RRM1: variants seen among roughly 807,000 people sequenced by gnomAD.
The protein encoded by RRM1 is ribonucleotide reductase catalytic subunit M1.
A neutral mutation model predicts 101.5 loss-of-function variants in RRM1; 19 were observed. The observed-to-expected ratio is 0.19, with a 90% CI of 0.13 to 0.27. RRM1 has a LOEUF of 0.27. Among genes scored for constraint, RRM1 ranks in the 10% least tolerant of loss-of-function variants. The pLI is 1.00. For missense variants in RRM1, 500 were observed against 962.9 expected (o/e 0.52, Z 6.36); for synonymous variants, 298 against 323.4 (o/e 0.92, Z 0.84).
At chr11:4,136,937 C>G (rs2133328025) in intron 18 of RRM1, among the ~76,000 whole-genome samples, 2 of 151,474 alleles carry the variant, frequency 1.3e-5, no homozygotes, top group South Asian at 4.2e-4. Flanking sequence ...TGTTTGTGTC[C>G]CTGGGTACTT....
At chr11:4,124,203 A>G (rs1013557573) in intron 12 of RRM1, among the ~76,000 whole-genome samples, 1 of 152,310 alleles carries the variant, frequency 6.6e-6, no homozygotes, top group South Asian at 2.1e-4. Context: ...AATAGCATCA[A>G]AATGTTAAGA....
Position 4,119,936 on chromosome 11 carries a change from C to A in RRM1, c.876+8C>A. 2.6e-6 allele frequency: 4 copies of A among 1,519,922 alleles called. No individual in the cohort carries two copies. Among genetic ancestry groups the A allele is most frequent in the Non-Finnish European group, 3.7e-6 (4 of 1,095,774 alleles). 94.2% of individuals were successfully genotyped at this position (1,519,922 alleles called of 1,614,324 possible). A position where few individuals can be genotyped will look rare whatever the true frequency, so the allele number is the denominator to read the frequency against. On this transcript the variant is annotated splice_region_variant and intron_variant, in intron 9 of 18. Transcript: ENST00000300738. ...GATCAAGGTGGGAACAAGGTATGCT[C>A]CATGAATTGAAAGTACTGGAAATCA...
intron 1 of RRM1, 175 bp from the exon 2 acceptor site, chr11:4,101,818 G>A (rs1357184318): frequency 6.9e-6 from 4 of 579,702 alleles, no homozygotes; most frequent in African/African-American, 1.9e-5. Context: ...CTTTGAAGGT[G>A]ACATCAGAGA....
chr11:4,107,470 C>T lies in RRM1; in HGVS notation c.322C>T (p.His108Tyr), dbSNP rs1277238548. ...MEDLYNYINP[H>Y]NGKHSPMVAK... ...AGACCTCTATAACTACATAAATCCA[C>T]ATAATGGCAAACACTCTCCCATGGT... Residue 108 changes from histidine to tyrosine, a missense_variant, in exon 4 of 19, where the codon CAT becomes TAT. This residue lies in a region of RRM1 where 41 missense variants were observed against 40.7 expected (regional missense o/e 1.01). Coordinates refer to ENST00000300738, the MANE Select transcript of RRM1 (RefSeq NM_001033.5). 5.0e-6 allele frequency: 8 copies of T among 1,613,296 alleles called. No individual in the cohort carries two copies. The highest frequency in any genetic ancestry group is 1.7e-4 in the Middle Eastern group (1 of 6,058).
chr11:4,097,732 C>CA (rs1404234876), intron 1 of RRM1, among the ~76,000 whole-genome samples: 2 of 152,150 alleles, frequency 1.3e-5, no homozygotes, highest in African/African-American at 4.8e-5. Flanking sequence ...GCTGGGACTA[C>CA]AGATGTGTGC....
intron 4 of RRM1, 80 bp downstream of exon 4, chr11:4,107,615 G>A (rs725518): frequency 0.54 from 441,418 of 818,640 alleles, 121,619 homozygotes; most frequent in Non-Finnish European, 0.58. Context: ...TTTAAACACT[G>A]CAAAAGATAC....
In RRM1 at chr11:4,119,740, T is replaced by C. The variant is rs72555779; in HGVS notation, c.793-105T>C. 2,335 of 734,654 alleles carry C rather than the reference T, an allele frequency of 3.2e-3. 36 individuals are homozygous for C. The African/African-American group carries it at 0.035, about 11-fold the overall frequency. The allele number at this position is 734,654 out of a possible 1,614,324, so 45.5% of individuals were successfully genotyped here. A position where few individuals can be genotyped will look rare whatever the true frequency, so the allele number is the denominator to read the frequency against. ...TGGAGAGCAGGTAAAACTTCATAGA[T>C]TGCTACCTAGAAATTAGGCATCTTT... is the stretch of plus-strand genomic sequence containing the variant. On this transcript the variant is annotated intron_variant, in intron 8 of 18. Transcript: ENST00000300738.
rs912141742 is a variant in RRM1 at position 4,102,045 on chromosome 11, G to A, written c.72G>A (p.Lys24=). The A allele has an allele frequency of 6.2e-6, 10 of 1,600,894 alleles. No homozygotes were observed. In the African/African-American group the frequency reaches 1.1e-4, roughly 17 times the overall value. ...MFDKITSRIQ[K]LCYGLNMDFV... ...ACAAAATTACATCTCGAATCCAGAA[G>A]CTTTGTTATGGACTCAATATGGATT... The change falls in exon 2 of 19, where the codon AAG becomes AAA. Residue 24 remains lysine, a synonymous_variant. Coordinates refer to ENST00000300738, the MANE Select transcript of RRM1 (RefSeq NM_001033.5).
intron 1 of RRM1, among the ~76,000 whole-genome samples, chr11:4,096,678 A>AT (rs1393379496): frequency 3.3e-5 from 5 of 151,746 alleles, no homozygotes; most frequent in Admixed American, 6.6e-5. Flanking sequence ...ATTTATTTGT[A>AT]TTTTTTTAGA....
chr11:4,134,164 G>A (rs181325538), intron 17 of RRM1, among the ~76,000 whole-genome samples: 57 of 151,956 alleles, frequency 3.8e-4, no homozygotes, highest in African/African-American at 1.3e-3. Context: ...TGTATTTTTA[G>A]TAGAGACAGG....
chr11:4,125,478 A>G (rs2094588103), intron 12 of RRM1, among the ~76,000 whole-genome samples: 2 of 152,156 alleles, frequency 1.3e-5, no homozygotes, highest in African/African-American at 4.8e-5. Flanking sequence ...ACAGTGCCCT[A>G]CAAGGTCCTA....
At chr11:4,112,144 C>T in intron 7 of RRM1, 82 bp downstream of exon 7, 7 of 1,035,822 alleles carry the variant, frequency 6.8e-6, no homozygotes, top group Non-Finnish European at 1.0e-5. Flanking sequence ...AATTTAATGA[C>T]CTTTTAGTAG....
intron 11 of RRM1, among the ~76,000 whole-genome samples, chr11:4,122,774 G>A (rs867778004): frequency 1.1e-4 from 17 of 152,046 alleles, no homozygotes; most frequent in South Asian, 2.1e-4. Context: ...TTGGGAGGCT[G>A]AGGTAGGAGA....
chr11:4,124,962 T>C (rs1287466159), intron 12 of RRM1, among the ~76,000 whole-genome samples: 2 of 151,398 alleles, frequency 1.3e-5, no homozygotes, highest in Non-Finnish European at 2.9e-5. Context: ...GTCACCAGGC[T>C]GGAGTGTAGT....
In RRM1 at chr11:4,123,166, T is replaced by A. The variant is rs745348034; in HGVS notation, c.1119-17T>A. ...TTTAGGGAATATATATTAAATAATATTATCTGTGCCTTTCAGTTATGAGAA... is the reference window on the plus strand; with the variant it reads ...TTTAGGGAATATATATTAAATAATAATATCTGTGCCTTTCAGTTATGAGAA... On this transcript the variant is annotated splice_polypyrimidine_tract_variant and intron_variant, in intron 11 of 18. Transcript: ENST00000300738. 7.5e-6 allele frequency: 12 copies of A among 1,599,884 alleles called. No individual in the cohort carries two copies. In the South Asian group the frequency reaches 1.1e-4, roughly 15 times the overall value.
At chr11:4,114,502 A>G (rs1565183060) in intron 7 of RRM1, among the ~76,000 whole-genome samples, 2 of 151,266 alleles carry the variant, frequency 1.3e-5, no homozygotes, top group South Asian at 2.1e-4. Context: ...GTGAGCCAAC[A>G]TCGCACCACT....
At chr11:4,099,093 C>G (rs536354428) in intron 1 of RRM1, among the ~76,000 whole-genome samples, 1 of 152,178 alleles carries the variant, frequency 6.6e-6, no homozygotes, top group East Asian at 1.9e-4. Flanking sequence ...GAATGAAAGA[C>G]AGTTTATAGC....
rs753344372 is a variant in RRM1 at position 4,105,303 on chromosome 11, TCAGTG to T, written c.109-738_109-734del. Among the ~76,000 whole-genome samples, 133 of 152,114 alleles carry T rather than the reference TCAGTG, an allele frequency of 8.7e-4. 1 individual carries two copies. Among genetic ancestry groups the T allele is most frequent in the Middle Eastern group, 3.4e-3 (1 of 294 alleles). ...GTGCAGTGCCATGATCATAGATAGC[TCAGTG>T]CAGTCTTGACTTCCTCAGCACAAGC... On this transcript the variant is annotated intron_variant, in intron 2 of 18. Transcript: ENST00000300738.
At chr11:4,101,554 T>TCCCCCCC (rs1469439658) in intron 1 of RRM1, among the ~76,000 whole-genome samples, 1 of 16,262 alleles carries the variant, frequency 6.1e-5, no homozygotes, top group African/African-American at 1.6e-4. Flanking sequence ...CCTCCAGTGA[T>TCCCCCCC]CCACACCCCC....
Sources: gnomAD v4.1 joint callset for allele counts (sites outside exome capture counted in the v4.1 genomes callset) on GRCh38, gnomAD v4.1.1 for gene constraint, gnomAD v4.1.1 regional missense constraint, MANE v1.5 for transcripts, NCBI Gene and HGNC (gene_info 2026-07-23, HGNC 2026-07-21) for gene names.